Variants in PKP4 observed in about 807,000 individuals in gnomAD.
The protein encoded by PKP4 is plakophilin 4, also known as plakophilin-4.
Under a neutral mutation model 145.1 loss-of-function variants are expected in PKP4, and 90 were observed. The ratio of observed to expected loss-of-function variants is 0.62; its 90% CI spans 0.52 to 0.74. The LOEUF is 0.74. Among genes scored for constraint, PKP4 ranks in the 30% least tolerant of loss-of-function variants. The pLI is 0.00. For synonymous variants in PKP4, 563 were observed against 577.2 expected, an observed-to-expected ratio of 0.98 and a Z score of 0.35; for missense variants, 1,340 against 1,482.7, an observed-to-expected ratio of 0.90 and a Z score of 1.58.
intron 3 of PKP4, among the ~76,000 whole-genome samples, chr2:158,584,503 G>C (rs1291230649): frequency 6.6e-6 from 1 of 152,176 alleles, no homozygotes; most frequent in Admixed American, 6.5e-5. Context: ...AGTTACACTA[G>C]TGGTTCAGCT....
chr2:158,584,771 A>G (rs1476245794), intron 3 of PKP4, among the ~76,000 whole-genome samples: 2 of 152,266 alleles, frequency 1.3e-5, no homozygotes, highest in Admixed American at 1.3e-4. Context: ...CTGAAATTTT[A>G]TAGTAAAGAA....
chr2:158,647,289 T>C (rs2054923618), intron 11 of PKP4, among the ~76,000 whole-genome samples: 1 of 152,176 alleles, frequency 6.6e-6, no homozygotes, highest in African/African-American at 2.4e-5. Flanking sequence ...CTTAGGATCA[T>C]GAGATGTTAA....
At chr2:158,478,513 G>A (rs563074582) in intron 1 of PKP4, among the ~76,000 whole-genome samples, 46 of 152,270 alleles carry the variant, frequency 3.0e-4, no homozygotes, top group Middle Eastern at 3.4e-3. Context: ...TCTGCCCACC[G>A]CTCTCTGCCT....
Position 158,663,383 on chromosome 2 carries a change from A to G in PKP4, c.2515A>G (p.Asn839Asp). Residue 839 changes from asparagine (N) to aspartate (D), a missense_variant, in exon 15 of 22, where the codon AAC becomes GAC. Coordinates refer to ENST00000389759, the MANE Select transcript of PKP4 (RefSeq NM_003628.6). Reference protein sequence around the residue: ...PYLTLLAESSNPATLEGSAGS... With the variant: ...PYLTLLAESSDPATLEGSAGS... Reference sequence around the variant, plus strand: ...TCTGACTCTTCTAGCAGAAAGTTCCAACCCAGCCACCTTGGAAGGCTCTGC... The same window carrying G: ...TCTGACTCTTCTAGCAGAAAGTTCCGACCCAGCCACCTTGGAAGGCTCTGC... The G allele has an allele frequency of 1.2e-6, 2 of 1,614,148 alleles. No homozygotes were observed. The highest frequency in any genetic ancestry group is 1.7e-6 in the Non-Finnish European group (2 of 1,180,016).
intron 1 of PKP4, among the ~76,000 whole-genome samples, chr2:158,510,551 T>C (rs932214667): frequency 2.0e-5 from 3 of 152,230 alleles, no homozygotes; most frequent in African/African-American, 7.2e-5. Context: ...TTAATGAATG[T>C]CTTCTTAAGG....
chr2:158,598,077 A>C (rs1467144893), intron 3 of PKP4, among the ~76,000 whole-genome samples: 1 of 152,052 alleles, frequency 6.6e-6, no homozygotes, highest in Non-Finnish European at 1.5e-5. Context: ...CTCCCACCTT[A>C]GCCTCCCAGA....
chr2:158,652,999 A>G (rs2055540332), intron 11 of PKP4, among the ~76,000 whole-genome samples: 1 of 152,234 alleles, frequency 6.6e-6, no homozygotes, highest in African/African-American at 2.4e-5. Context: ...TCAAGAAGGA[A>G]AATGCAGGGG....
chr2:158,533,814 G>C (rs1010489730), intron 2 of PKP4, among the ~76,000 whole-genome samples: 4 of 152,202 alleles, frequency 2.6e-5, no homozygotes, highest in African/African-American at 9.6e-5. Flanking sequence ...TTGTCGAACT[G>C]TGCCAGTTTG....
In PKP4 at chr2:158,638,604, T is replaced by C. The variant is rs200584554; in HGVS notation, c.1563-2023T>C. Among the ~76,000 whole-genome samples the C allele has an allele frequency of 2.0e-5, 3 of 152,258 alleles. No individual in the cohort carries two copies. The East Asian group carries it at 5.8e-4, about 29-fold the overall frequency. On this transcript the variant is annotated intron_variant, in intron 9 of 21. Coordinates refer to ENST00000389759, the MANE Select transcript of PKP4 (RefSeq NM_003628.6). ...CTCACACCTGACTTCAGTTTTTAGA[T>C]CATCTGGCTGCTGTATAAAGAATGG...
chr2:158,625,096 G>T lies in PKP4; in HGVS notation c.822G>T (p.Pro274=). 1.2e-6 allele frequency: 2 copies of T among 1,614,086 alleles called. No individual in the cohort carries two copies. The highest frequency in any genetic ancestry group is 2.2e-5 in the East Asian group (1 of 44,864). Residue 274 remains proline (P), a synonymous_variant, in exon 7 of 22, where the codon CCG becomes CCT. Transcript: ENST00000389759. ...TTLPAARAAS[P]YSQRPASPTA... is the part of the protein sequence containing the mutation. ...TACCTGCTGCACGGGCAGCCTCTCCGTACTCACAGAGACCCGCCTCCCCAA... is the reference window on the plus strand; with the variant it reads ...TACCTGCTGCACGGGCAGCCTCTCCTTACTCACAGAGACCCGCCTCCCCAA...
At chr2:158,479,364 C>T (rs1692994747) in intron 1 of PKP4, among the ~76,000 whole-genome samples, 1 of 152,044 alleles carries the variant, frequency 6.6e-6, no homozygotes, top group Non-Finnish European at 1.5e-5. Context: ...GCTGGAACAA[C>T]AGGCATATGC....
intron 1 of PKP4, chr2:158,457,493 C>G (rs1020880452): frequency 6.6e-6 from 1 of 152,440 alleles, no homozygotes; most frequent in Non-Finnish European, 1.5e-5. Context: ...GTCTCCCGTA[C>G]GCGCAGCGCA....
At chr2:158,646,620 TG>T (rs1481123489) in intron 11 of PKP4, among the ~76,000 whole-genome samples, 1 of 152,210 alleles carries the variant, frequency 6.6e-6, no homozygotes, top group African/African-American at 2.4e-5. Context: ...GATTGATCCT[TG>T]ATACATATTA....
intron 1 of PKP4, among the ~76,000 whole-genome samples, chr2:158,524,508 G>T (rs1181160268): frequency 1.1e-5 from 1 of 91,134 alleles, no homozygotes; most frequent in African/African-American, 4.0e-5. Context: ...GGAACAACCG[G>T]TACCAGCCGC....
Position 158,661,397 on chromosome 2 carries a change from T to C in PKP4, c.2158T>C (p.Ser720Pro). 6.2e-7 allele frequency: 1 copy of C among 1,613,906 alleles called. No homozygotes were observed. The highest frequency in any genetic ancestry group is 8.5e-7 in the Non-Finnish European group (1 of 1,179,830). The change falls in exon 13 of 22, where the codon TCA (serine) becomes CCA (proline). Residue 720 changes from serine (S) to proline (P), a missense_variant. Coordinates refer to ENST00000389759, the MANE Select transcript of PKP4 (RefSeq NM_003628.6). The part of the protein sequence containing the change: ...QMRSCEGLVD[S>P]LLYVIHTCVN... ...GCGGTCCTGCGAGGGGCTGGTAGAC[T>C]CACTGTTGTATGTGATCCACACGTG...
In PKP4 at chr2:158,676,885, T is replaced by C. The variant is rs370474917; in HGVS notation, c.3256+18T>C. On this transcript the variant is annotated intron_variant, in intron 20 of 21. Coordinates refer to ENST00000389759, the MANE Select transcript of PKP4 (RefSeq NM_003628.6). ...GTACCCTGGTAAGACGCCAGTTGGG[T>C]GTGTGATACAGTCTCTTGAAAAGCC... The C allele has an allele frequency of 9.8e-5, 158 of 1,613,744 alleles. No individual in the cohort carries two copies. The highest frequency in any genetic ancestry group is 1.2e-4 in the Non-Finnish European group (146 of 1,179,928).
intron 1 of PKP4, among the ~76,000 whole-genome samples, chr2:158,507,029 C>T (rs985174913): frequency 6.6e-6 from 1 of 152,188 alleles, no homozygotes; most frequent in African/African-American, 2.4e-5. Flanking sequence ...GGAGAATAGT[C>T]GTGTGATTCT....
At chr2:158,539,502 T>G (rs574412215) in intron 2 of PKP4, among the ~76,000 whole-genome samples, 45 of 152,360 alleles carry the variant, frequency 3.0e-4, no homozygotes, top group Non-Finnish European at 4.4e-4. Context: ...TTATTTCAGC[T>G]GTAAACAAGC....
chr2:158,478,453 A>G (rs1395611466), intron 1 of PKP4, among the ~76,000 whole-genome samples: 3 of 152,186 alleles, frequency 2.0e-5, no homozygotes, highest in Non-Finnish European at 4.4e-5. Context: ...GAAGAGTCGT[A>G]CTAAGTGCTG....
Sources: gnomAD v4.1 joint callset for allele counts (sites outside exome capture counted in the v4.1 genomes callset) on GRCh38, gnomAD v4.1.1 for gene constraint, MANE v1.5 for transcripts, NCBI Gene and HGNC (gene_info 2026-07-23, HGNC 2026-07-21) for gene names.